The following TMEM132D variants were observed in gnomAD, a reference collection of about 807,000 sequenced individuals.
TMEM132D encodes the protein transmembrane protein 132D, also known as mature OL transmembrane protein.
TMEM132D carries 21 observed loss-of-function variants against 62.3 expected under a neutral mutation model. The observed-to-expected ratio is 0.34, with a 90% CI of 0.24 to 0.49. TMEM132D has a LOEUF of 0.49. TMEM132D is among the 20% of genes least tolerant of loss of function. TMEM132D has a pLI of 0.99. For synonymous variants in TMEM132D, 621 were observed against 575.6 expected (o/e 1.08, Z -1.13); for missense variants, 1,346 against 1,402.8 (o/e 0.96, Z 0.65).
chr12:129,379,193 T>C (rs2135685757), intron 3 of TMEM132D, among the ~76,000 whole-genome samples: 1 of 152,152 alleles, frequency 6.6e-6, no homozygotes, highest in East Asian at 1.9e-4. Context: ...CTGCTGTCAA[T>C]GATAAACACA....
rs12811849 is a variant in TMEM132D at position 129,827,508 on chromosome 12, T to C, written c.79+75753A>G. Among the ~76,000 whole-genome samples, 12,322 of 152,300 alleles carry C rather than the reference T, an allele frequency of 0.081. 692 individuals carry two copies. Among genetic ancestry groups the C allele is most frequent in the East Asian group, 0.18 (943 of 5,178 alleles). On this transcript the variant is annotated intron_variant, in intron 1 of 8. Transcript: ENST00000422113. The surrounding 1 kb of genome is among the most constrained non-coding windows in gnomAD (Gnocchi z 9.7). The stretch of plus-strand genomic sequence containing the variant: ...TTTTGCAACTTTTTAACTATTTTAC[T>C]TCTATGGCTGATTAGACTGAGTCCA...
chr12:129,574,640 C>G (rs1877607604), intron 2 of TMEM132D, among the ~76,000 whole-genome samples: 1 of 151,664 alleles, frequency 6.6e-6, no homozygotes, highest in South Asian at 2.1e-4. Context: ...AAAGCTGAAA[C>G]TCAGAGAAGA....
At chr12:129,240,539 TA>T (rs1356053635) in intron 4 of TMEM132D, among the ~76,000 whole-genome samples, 1 of 152,156 alleles carries the variant, frequency 6.6e-6, no homozygotes, top group Non-Finnish European at 1.5e-5. Flanking sequence ...TAACAGCATA[TA>T]AAGGAAGAAT....
At chr12:129,754,009 T>C (rs576936285) in intron 1 of TMEM132D, among the ~76,000 whole-genome samples, 1 of 152,328 alleles carries the variant, frequency 6.6e-6, no homozygotes, top group South Asian at 2.1e-4. Flanking sequence ...ACTTTGGCTT[T>C]TGAGTTTTAA....
intron 1 of TMEM132D, among the ~76,000 whole-genome samples, chr12:129,837,201 A>T (rs1873033619): frequency 6.6e-6 from 1 of 152,200 alleles, no homozygotes; most frequent in Admixed American, 6.5e-5. Flanking sequence ...TGCTGCTTGC[A>T]TTATTTAAAA....
chr12:129,209,695 C>A lies in TMEM132D; in HGVS notation c.1300-32G>T, dbSNP rs180932120. ...GACCAAACACACCCTTCCATCACAT[C>A]CCCTCCTGAGACGGCCCAGTCCCTG... is the stretch of plus-strand genomic sequence containing the variant. On this transcript the variant is annotated intron_variant, in intron 4 of 8. Coordinates refer to ENST00000422113, the MANE Select transcript of TMEM132D (RefSeq NM_133448.3). The A allele has an allele frequency of 1.6e-5, 26 of 1,612,590 alleles. No homozygotes were observed. In the African/African-American group the frequency reaches 3.1e-4, roughly 19 times the overall value.
intron 1 of TMEM132D, among the ~76,000 whole-genome samples, chr12:129,797,086 A>C (rs1214981848): frequency 6.6e-6 from 1 of 151,968 alleles, no homozygotes; most frequent in Non-Finnish European, 1.5e-5. Context: ...CATGTGACCA[A>C]CTCACTTCAT....
chr12:129,781,475 G>T (rs184478794), intron 1 of TMEM132D, among the ~76,000 whole-genome samples: 2 of 152,268 alleles, frequency 1.3e-5, no homozygotes, highest in Non-Finnish European at 2.9e-5. Flanking sequence ...AATTTAAAAT[G>T]ATAATAAGGT....
chr12:129,392,456 C>T (rs1349801772), intron 3 of TMEM132D, among the ~76,000 whole-genome samples: 2 of 152,208 alleles, frequency 1.3e-5, no homozygotes, highest in African/African-American at 4.8e-5. Context: ...ACACTGGAGA[C>T]CTTTCCTCTG....
chr12:129,365,121 T>C (rs1350035346), intron 3 of TMEM132D, among the ~76,000 whole-genome samples: 1 of 152,210 alleles, frequency 6.6e-6, no homozygotes, highest in Non-Finnish European at 1.5e-5. Context: ...TTAGATTTTA[T>C]GTGCTTCGGA....
chr12:129,103,076 C>A (rs1875367860), intron 5 of TMEM132D, among the ~76,000 whole-genome samples: 1 of 152,204 alleles, frequency 6.6e-6, no homozygotes, highest in African/African-American at 2.4e-5. Flanking sequence ...TCCACCCTTC[C>A]ATGCTCTGTT....
At chr12:129,456,954 G>A (rs943740696) in intron 3 of TMEM132D, among the ~76,000 whole-genome samples, 10 of 152,114 alleles carry the variant, frequency 6.6e-5, no homozygotes, top group African/African-American at 2.4e-4. Flanking sequence ...GTGCTGGAGA[G>A]GATGTGGAGA....
chr12:129,554,016 G>A (rs1052743840), intron 2 of TMEM132D, among the ~76,000 whole-genome samples: 6 of 152,028 alleles, frequency 3.9e-5, no homozygotes, highest in Middle Eastern at 3.2e-3. Context: ...CTATCTAATC[G>A]GTCTTTCCTC....
At chr12:129,182,422 C>G (rs73418219) in intron 5 of TMEM132D, among the ~76,000 whole-genome samples, 7,366 of 152,284 alleles carry the variant, frequency 0.048, 228 homozygotes, top group African/African-American at 0.089. Context: ...ACCCTGCAAC[C>G]AGAACATAGG....
chr12:129,820,097 C>A (rs905829128), intron 1 of TMEM132D, among the ~76,000 whole-genome samples: 1 of 152,186 alleles, frequency 6.6e-6, no homozygotes, highest in African/African-American at 2.4e-5. Context: ...AAAGCAAGCT[C>A]CTTACCTTCC....
chr12:129,692,641 T>C (rs1464880108), intron 2 of TMEM132D, among the ~76,000 whole-genome samples: 4 of 152,274 alleles, frequency 2.6e-5, no homozygotes, highest in African/African-American at 7.2e-5. Context: ...ATGTGGTACA[T>C]AGACACCATG....
chr12:129,639,134 G>A (rs1879576101), intron 2 of TMEM132D, among the ~76,000 whole-genome samples: 1 of 152,070 alleles, frequency 6.6e-6, no homozygotes, highest in African/African-American at 2.4e-5. Flanking sequence ...TGTAATCTCA[G>A]CACATTGGGA....
intron 1 of TMEM132D, among the ~76,000 whole-genome samples, chr12:129,896,145 GT>G (rs770169364): frequency 3.3e-4 from 26 of 78,088 alleles, no homozygotes; most frequent in African/African-American, 6.6e-4. Context: ...CATTTTTTTT[GT>G]TTTGTTTTGT....
At chr12:129,077,690 A>AAC (rs748106428) in intron 8 of TMEM132D, among the ~76,000 whole-genome samples, 8 of 152,164 alleles carry the variant, frequency 5.3e-5, no homozygotes, top group South Asian at 4.1e-4. Flanking sequence ...ACAGACCCAC[A>AAC]ACACACACAC....
Sources: gnomAD v4.1 joint callset for allele counts (sites outside exome capture counted in the v4.1 genomes callset) on GRCh38, gnomAD v4.1.1 for gene constraint, Gnocchi (gnomAD v3.1) non-coding constraint, MANE v1.5 for transcripts, NCBI Gene and HGNC (gene_info 2026-07-23, HGNC 2026-07-21) for gene names.